MED20: variants seen among roughly 807,000 people sequenced by gnomAD.
MED20 encodes the protein mediator of RNA polymerase II transcription subunit 20.
Under a neutral mutation model 19.7 loss-of-function variants are expected in MED20, and 19 were observed. That is an observed-to-expected ratio of 0.96 (90% CI 0.67 to 1.42). MED20 has a LOEUF of 1.42. Among genes scored for constraint, MED20 ranks in the 40% most tolerant of loss-of-function variants. The pLI is 0.00. For synonymous variants in MED20, 105 were observed against 104.8 expected (o/e 1.00, Z -0.01); for missense variants, 225 against 273.0 (o/e 0.82, Z 1.24).
At chr6:41,908,953 T>C (rs1486521833) in intron 3 of MED20, 1 of 393,938 alleles carries the variant, frequency 2.5e-6, no homozygotes, top group Non-Finnish European at 4.5e-6. Flanking sequence ...GGGGCTGAGA[T>C]GGGAGGATCA....
At chr6:41,916,072 C>A (rs932420140) in intron 2 of MED20, among the ~76,000 whole-genome samples, 12 of 151,626 alleles carry the variant, frequency 7.9e-5, no homozygotes, top group Middle Eastern at 3.4e-3. Context: ...CATAGGGAGA[C>A]CCTGTCTCTA....
intron 1 of MED20, among the ~76,000 whole-genome samples, chr6:41,919,627 C>T (rs1487530228): frequency 6.6e-6 from 1 of 152,126 alleles, no homozygotes; most frequent in Non-Finnish European, 1.5e-5. Context: ...GAGCTGCCTT[C>T]TCCATTTAAA....
intron 1 of MED20, among the ~76,000 whole-genome samples, chr6:41,919,739 G>A (rs1461855988): frequency 6.6e-6 from 1 of 152,112 alleles, no homozygotes; most frequent in East Asian, 1.9e-4. Context: ...AGACCTGCAT[G>A]TACAAAACAG....
rs777057932 is a variant in MED20 at position 41,916,840 on chromosome 6, T to C, written c.114A>G (p.Thr38=). Residue 38 remains threonine, a synonymous_variant, in exon 2 of 4, where the codon ACA becomes ACG. Coordinates refer to ENST00000265350, the MANE Select transcript of MED20 (RefSeq NM_004275.5). ...LEMLGAEKQG[T]FCVDCETYHT... ...GGTAAGTCTCACAGTCCACACAAAATGTTCCTTGCTTCTCTGCCCCAAGCA... is the reference window on the plus strand; with the variant it reads ...GGTAAGTCTCACAGTCCACACAAAACGTTCCTTGCTTCTCTGCCCCAAGCA... 6.2e-6 allele frequency: 10 copies of C among 1,613,948 alleles called. No individual in the cohort carries two copies. In the Admixed American group the frequency reaches 1.3e-4, roughly 22 times the overall value.
chr6:41,914,907 AT>A (rs1775277450), intron 2 of MED20, among the ~76,000 whole-genome samples: 1 of 152,206 alleles, frequency 6.6e-6, no homozygotes, highest in South Asian at 2.1e-4. Flanking sequence ...CTCTAAAAGA[AT>A]CATAAACAAA....
intron 1 of MED20, chr6:41,917,785 A>G (rs757667894): frequency 6.4e-6 from 3 of 471,280 alleles, no homozygotes; most frequent in African/African-American, 2.0e-5. Context: ...TTGGGTTAAC[A>G]TGTTTTTACC....
At position 41,906,980 on chromosome 6, in the gene MED20, TGGGTTTCTG is replaced by T; in HGVS notation, c.*83_*91del. Reference sequence around the variant, plus strand: ...AGGAGAGTAGAGTCCATGTCTACCCTGGGTTTCTGGGGTCCAGGGACCTGAAAGTCAGCA... The same window carrying T: ...AGGAGAGTAGAGTCCATGTCTACCCTGGGTCCAGGGACCTGAAAGTCAGCA... On this transcript the variant is annotated 3_prime_UTR_variant, in exon 4 of 4. Coordinates refer to ENST00000265350, the MANE Select transcript of MED20 (RefSeq NM_004275.5). The T allele has an allele frequency of 3.5e-6, 4 of 1,150,102 alleles. No individual in the cohort carries two copies. The highest frequency in any genetic ancestry group is 3.8e-6 in the Non-Finnish European group (3 of 787,628). 71.2% of individuals were successfully genotyped at this position (1,150,102 alleles called of 1,614,324 possible).
chr6:41,907,552 T>C (rs1468635697), intron 3 of MED20, among the ~76,000 whole-genome samples: 1 of 152,064 alleles, frequency 6.6e-6, no homozygotes, highest in African/African-American at 2.4e-5. Flanking sequence ...CTGGGCCCCT[T>C]TTGATGATCT....
At chr6:41,908,136 G>A (rs1422204538) in intron 3 of MED20, among the ~76,000 whole-genome samples, 1 of 152,146 alleles carries the variant, frequency 6.6e-6, no homozygotes, top group Non-Finnish European at 1.5e-5. Flanking sequence ...TTGATCCTCA[G>A]GAAGCATCAC....
In MED20 at chr6:41,905,907, T is replaced by G. The variant is rs1775034302; in HGVS notation, c.*1165A>C. 1 of 152,208 alleles carries G rather than the reference T, an allele frequency of 6.6e-6. No homozygotes were observed. Among genetic ancestry groups the G allele is most frequent in the Non-Finnish European group, 1.5e-5 (1 of 68,050 alleles). 9.4% of individuals were successfully genotyped at this position (152,208 alleles called of 1,614,324 possible). On this transcript the variant is annotated 3_prime_UTR_variant, in exon 4 of 4. Transcript: ENST00000265350. ...TGTGGAATTAACTTCCTAGTGTGACTAATCCAACTTAGCTCAAAGCGGCTC... is the reference window on the plus strand; with the variant it reads ...TGTGGAATTAACTTCCTAGTGTGACGAATCCAACTTAGCTCAAAGCGGCTC...
chr6:41,920,934 C>G, intron 1 of MED20, 71 bp downstream of exon 1: 1 of 1,563,858 alleles, frequency 6.4e-7, no homozygotes, highest in Non-Finnish European at 8.7e-7. Context: ...GACGGCGGAC[C>G]ATGGTCAAGG....
At chr6:41,911,525 G>A (rs1469411657) in intron 2 of MED20, among the ~76,000 whole-genome samples, 4 of 151,924 alleles carry the variant, frequency 2.6e-5, no homozygotes, top group African/African-American at 7.3e-5. Flanking sequence ...CAAGTCTTTC[G>A]GAAAAAGGAA....
intron 2 of MED20, 84 bp downstream of exon 2, chr6:41,916,701 G>A: frequency 1.3e-6 from 2 of 1,528,638 alleles, no homozygotes; most frequent in Middle Eastern, 1.7e-4. Flanking sequence ...ACCTTTAGCA[G>A]AAAAGCAGAA....
chr6:41,910,827 G>T (rs2127376050), intron 2 of MED20, among the ~76,000 whole-genome samples: 1 of 151,654 alleles, frequency 6.6e-6, no homozygotes, highest in East Asian at 2.0e-4. Context: ...CTGACAATCA[G>T]GCTGGGCACA....
In MED20 at chr6:41,921,121, G is replaced by C. The variant is rs1214140560; in HGVS notation, c.-103C>G. The C allele has an allele frequency of 5.4e-6, 8 of 1,476,820 alleles. No homozygotes were observed. The Admixed American group carries it at 1.6e-4, about 29-fold the overall frequency. 91.5% of individuals were successfully genotyped at this position (1,476,820 alleles called of 1,614,324 possible). On this transcript the variant is annotated 5_prime_UTR_variant, in exon 1 of 4. Transcript: ENST00000265350. The stretch of plus-strand genomic sequence containing the variant: ...TTCCCCAACACAACCTTCTGTCTCA[G>C]AAGGGACTCCGGAAATACGTAAAAA...
chr6:41,918,225 CG>C (rs1561940168), intron 1 of MED20, among the ~76,000 whole-genome samples: 15 of 152,120 alleles, frequency 9.9e-5, no homozygotes. Context: ...AGGAAACTGC[CG>C]GGCATGGTGG....
Position 41,905,660 on chromosome 6 carries a change from A to G in MED20, c.*1412T>C, listed in dbSNP as rs956464168. ...CATACATTCACAATTCTCCAAGACC[A>G]TCTCTGTGTATATCAAGGTTAACCT... On this transcript the variant is annotated 3_prime_UTR_variant, in exon 4 of 4. Transcript: ENST00000265350. 2 of 152,232 alleles carry G rather than the reference A, an allele frequency of 1.3e-5. No individual in the cohort carries two copies. Among genetic ancestry groups the G allele is most frequent in the Non-Finnish European group, 2.9e-5 (2 of 68,034 alleles). 9.4% of individuals were successfully genotyped at this position (152,232 alleles called of 1,614,324 possible). A position where few individuals can be genotyped will look rare whatever the true frequency, so the allele number is the denominator to read the frequency against.
chr6:41,908,897 T>C (rs1346118681), intron 3 of MED20: 1 of 290,612 alleles, frequency 3.4e-6, no homozygotes, highest in African/African-American at 2.2e-5. Flanking sequence ...AATTGAGGAC[T>C]GGAGGCCAGG....
chr6:41,908,477 C>A, intron 3 of MED20, among the ~76,000 whole-genome samples: 1 of 152,220 alleles, frequency 6.6e-6, no homozygotes, highest in East Asian at 1.9e-4. Flanking sequence ...CACACAAACA[C>A]TCTTTCTACC....
Sources: gnomAD v4.1 joint callset for allele counts (sites outside exome capture counted in the v4.1 genomes callset) on GRCh38, gnomAD v4.1.1 for gene constraint, MANE v1.5 for transcripts, NCBI Gene and HGNC (gene_info 2026-07-23, HGNC 2026-07-21) for gene names.